The following WDR37 variants were observed in gnomAD, a reference collection of about 807,000 sequenced individuals.
The protein encoded by WDR37 is WD repeat-containing protein 37.
In WDR37, 19 loss-of-function variants were observed where a neutral mutation model predicts 62.9. That is an observed-to-expected ratio of 0.30 (90% CI 0.21 to 0.44). The LOEUF (loss-of-function observed/expected upper bound fraction) is 0.44, where lower values mean the gene tolerates loss of function less well. WDR37 is among the 20% of genes least tolerant of loss of function. WDR37 has a pLI of 1.00. For synonymous variants in WDR37, 250 were observed against 260.9 expected (o/e 0.96, Z 0.40); for missense variants, 474 against 657.6 (o/e 0.72, Z 3.05).
chr10:1,073,821 A>G (rs1376539608), intron 2 of WDR37, among the ~76,000 whole-genome samples: 2 of 152,102 alleles, frequency 1.3e-5, no homozygotes, highest in Non-Finnish European at 2.9e-5. Context: ...TCTTCTTACA[A>G]GGACCCCTGT....
chr10:1,067,740 G>C (rs180869078), intron 1 of WDR37, among the ~76,000 whole-genome samples: 5 of 152,128 alleles, frequency 3.3e-5, no homozygotes, highest in Admixed American at 2.6e-4. Context: ...AAATAAAAAA[G>C]TAGTGACAAA....
At chr10:1,129,067 G>A (rs376757633) in intron 13 of WDR37, 146 bp from the exon 14 acceptor site, 114 of 1,133,922 alleles carry the variant, frequency 1.0e-4, no homozygotes, top group Non-Finnish European at 1.2e-4. Context: ...GTCCGTGCTC[G>A]GTGGTCCATG....
intron 11 of WDR37, among the ~76,000 whole-genome samples, chr10:1,115,465 A>G (rs747984081): frequency 3.3e-5 from 5 of 152,254 alleles, no homozygotes; most frequent in African/African-American, 1.2e-4. Flanking sequence ...GTTCTAGATC[A>G]TGTGCTCAGA....
chr10:1,087,099 C>A (rs888008404), intron 7 of WDR37, among the ~76,000 whole-genome samples: 1 of 152,244 alleles, frequency 6.6e-6, no homozygotes, highest in African/African-American at 2.4e-5. Context: ...GGAGCCTTCC[C>A]CTCCCCTTTC....
chr10:1,097,126 C>T (rs1192787423), intron 9 of WDR37, among the ~76,000 whole-genome samples: 2 of 152,008 alleles, frequency 1.3e-5, no homozygotes, highest in African/African-American at 2.4e-5. Context: ...TGTGAAAGGA[C>T]GGAGATACTC....
intron 11 of WDR37, among the ~76,000 whole-genome samples, chr10:1,112,110 C>G (rs1222958386): frequency 6.6e-6 from 1 of 152,106 alleles, no homozygotes; most frequent in Admixed American, 6.5e-5. Flanking sequence ...ATGTTTTTTG[C>G]AAATGAAGGT....
intron 9 of WDR37, among the ~76,000 whole-genome samples, chr10:1,096,889 G>C (rs1834601219): frequency 6.6e-6 from 1 of 152,222 alleles, no homozygotes; most frequent in Non-Finnish European, 1.5e-5. Flanking sequence ...GAGCTGGAGA[G>C]AAAGCTTCTA....
rs527592758 is a variant in WDR37 at position 1,128,687 on chromosome 10, A to C, written c.1354-526A>C. On this transcript the variant is annotated intron_variant, in intron 13 of 13. Transcript: ENST00000263150. The stretch of plus-strand genomic sequence containing the variant: ...TTTTTGTCTGACTGTAATCTTACTC[A>C]TTTTCTTAAAGAAGGACTCATACAG... 5.3e-5 allele frequency among the ~76,000 whole-genome samples: 8 copies of C among 152,276 alleles called. No individual in the cohort carries two copies. In the South Asian group the frequency reaches 1.5e-3, roughly 28 times the overall value.
rs1044565220 is a variant in WDR37 at position 1,121,057 on chromosome 10, C to T, written c.1104-3161C>T. Among the ~76,000 whole-genome samples, 20 of 152,234 alleles carry T rather than the reference C, an allele frequency of 1.3e-4. No individual in the cohort carries two copies. The highest frequency in any genetic ancestry group is 3.9e-4 in the African/African-American group (16 of 41,458). ...TGAGTTTGCCGGAGTTTGGCAGCGT[C>T]GGAACCATTTCCAGTGCACGGCCGT... On this transcript the variant is annotated intron_variant, in intron 11 of 13. Coordinates refer to ENST00000263150, the MANE Select transcript of WDR37 (RefSeq NM_014023.4). This position sits in a 1 kb window ranked among gnomAD's most constrained non-coding sequence, Gnocchi z 4.5.
intron 2 of WDR37, 121 bp from the exon 3 acceptor site, chr10:1,077,786 A>G (rs1490321222): frequency 1.3e-6 from 1 of 750,880 alleles, no homozygotes; most frequent in Non-Finnish European, 2.1e-6. Flanking sequence ...TTTATATATA[A>G]AAATATGTAA....
intron 5 of WDR37, among the ~76,000 whole-genome samples, chr10:1,083,161 G>A (rs766987612): frequency 6.6e-5 from 10 of 152,296 alleles, no homozygotes; most frequent in Middle Eastern, 3.4e-3. Context: ...GTAAGCAAAA[G>A]CATCTCCCAT....
At chr10:1,112,594 A>G (rs1835251048) in intron 11 of WDR37, among the ~76,000 whole-genome samples, 3 of 152,380 alleles carry the variant, frequency 2.0e-5, no homozygotes, top group African/African-American at 7.2e-5. Context: ...CTGGACAGCC[A>G]GGTTCTGAAT....
In WDR37 at chr10:1,056,708, G is replaced by A. The variant is rs972860166; in HGVS notation, c.-301G>A. The A allele has an allele frequency of 6.6e-6, 1 of 152,334 alleles. No homozygotes were observed. Among genetic ancestry groups the A allele is most frequent in the Non-Finnish European group, 1.5e-5 (1 of 68,106 alleles). The allele number at this position is 152,334 out of a possible 1,614,324, so 9.4% of individuals were successfully genotyped here. ...TCGGGGCTGCGGGGCGGAAGCCGGG[G>A]CGTGACTTCCGGCGCCGCCGGGTGT... On this transcript the variant is annotated 5_prime_UTR_variant, in exon 1 of 14. Coordinates refer to ENST00000263150, the MANE Select transcript of WDR37 (RefSeq NM_014023.4).
At chr10:1,111,224 T>C (rs1361572730) in intron 11 of WDR37, among the ~76,000 whole-genome samples, 2 of 152,222 alleles carry the variant, frequency 1.3e-5, no homozygotes, top group Non-Finnish European at 2.9e-5. Context: ...GTAAATTCTT[T>C]AGTATAGTAT....
At chr10:1,080,368 TTGATTGTG>T in intron 4 of WDR37, 36 bp from the exon 5 acceptor site, 14 of 1,612,968 alleles carry the variant, frequency 8.7e-6, no homozygotes, top group Non-Finnish European at 1.2e-5. Context: ...CTATAGGTCT[TTGATTGTG>T]TGATTGTGTT....
At position 1,105,145 on chromosome 10, in the gene WDR37, G is replaced by A. The variant is rs546765571; in HGVS notation, c.981G>A (p.Thr327=). The stretch of plus-strand genomic sequence containing the variant: ...TTACAGGGCACGACCAGGAGTTGAC[G>A]CACTGCTGCACACACCCCACCCAGC... The part of the protein sequence containing the change: ...HSLTGHDQEL[T]HCCTHPTQRL... Residue 327 remains threonine, a synonymous_variant, in exon 11 of 14, where the codon ACG becomes ACA. Coordinates refer to ENST00000263150, the MANE Select transcript of WDR37 (RefSeq NM_014023.4). This position sits in a 1 kb window ranked among gnomAD's most constrained non-coding sequence, Gnocchi z 5.3. 1.4e-4 allele frequency: 233 copies of A among 1,614,064 alleles called. No homozygotes were observed. The South Asian group carries it at 1.7e-3, about 12-fold the overall frequency.
intron 13 of WDR37, among the ~76,000 whole-genome samples, chr10:1,125,869 G>A (rs960199302): frequency 3.3e-5 from 5 of 152,208 alleles, no homozygotes; most frequent in African/African-American, 7.2e-5. Flanking sequence ...AGAAGACGGC[G>A]GAGGGAGTTT....
intron 1 of WDR37, among the ~76,000 whole-genome samples, chr10:1,064,987 A>G (rs1476616364): frequency 6.6e-6 from 1 of 152,128 alleles, no homozygotes; most frequent in Admixed American, 6.5e-5. Flanking sequence ...TCAACTCAGA[A>G]TTTTATATCA....
At position 1,131,711 on chromosome 10, in the gene WDR37, T is replaced by TGC. The variant is rs1554735200; in HGVS notation, c.*2368_*2369dup. On this transcript the variant is annotated 3_prime_UTR_variant, in exon 14 of 14. Coordinates refer to ENST00000263150, the MANE Select transcript of WDR37 (RefSeq NM_014023.4). ...GTGTGTGTGTGTGTGTGTGTGTGTG[T>TGC]GCACGTGTGTGTGGCTAAATTAAGT... The TGC allele has an allele frequency of 6.7e-6, 1 of 148,676 alleles. No individual in the cohort carries two copies. Among genetic ancestry groups the TGC allele is most frequent in the African/African-American group, 2.5e-5 (1 of 40,292 alleles). The allele number at this position is 148,676 out of a possible 1,614,324, so 9.2% of individuals were successfully genotyped here. A position where few individuals can be genotyped will look rare whatever the true frequency, so the allele number is the denominator to read the frequency against.
Sources: gnomAD v4.1 joint callset for allele counts (sites outside exome capture counted in the v4.1 genomes callset) on GRCh38, gnomAD v4.1.1 for gene constraint, Gnocchi (gnomAD v3.1) non-coding constraint, MANE v1.5 for transcripts, NCBI Gene and HGNC (gene_info 2026-07-23, HGNC 2026-07-21) for gene names.